Variants in MGAT4C observed in about 807,000 individuals in gnomAD.
MGAT4C encodes MGAT4 family member C, also known as alpha-1,3-mannosyl-glycoprotein 4-beta-N-acetylglucosaminyltransferase C.
In MGAT4C, 19 loss-of-function variants were observed where a neutral mutation model predicts 40.1. The ratio of observed to expected loss-of-function variants is 0.47; its 90% CI spans 0.33 to 0.70. The LOEUF (loss-of-function observed/expected upper bound fraction) is 0.70. MGAT4C is among the 30% of genes least tolerant of loss of function. The pLI, the probability that MGAT4C is intolerant of heterozygous loss-of-function variation, is 0.02. For synonymous variants in MGAT4C, 181 were observed against 187.1 expected, an observed-to-expected ratio of 0.97 and a Z score of 0.27; for missense variants, 491 against 563.2, an observed-to-expected ratio of 0.87 and a Z score of 1.30.
chr12:86,105,316 A>G (rs2135614039), intron 1 of MGAT4C, among the ~76,000 whole-genome samples: 1 of 152,292 alleles, frequency 6.6e-6, no homozygotes, highest in African/African-American at 2.4e-5. Flanking sequence ...TCTTAAAAAC[A>G]AAACATCATG....
intron 2 of MGAT4C, among the ~76,000 whole-genome samples, chr12:86,691,947 A>T (rs1033561034): frequency 6.6e-6 from 1 of 152,242 alleles, no homozygotes; most frequent in South Asian, 2.1e-4. Flanking sequence ...ATTATGTGAC[A>T]ATTAAGAACT....
At chr12:86,312,780 C>A (rs1469975769) in intron 4 of MGAT4C, among the ~76,000 whole-genome samples, 1 of 152,020 alleles carries the variant, frequency 6.6e-6, no homozygotes, top group Non-Finnish European at 1.5e-5. Context: ...GATTAGAAGT[C>A]ATCATATAGC....
intron 3 of MGAT4C, among the ~76,000 whole-genome samples, chr12:86,415,154 T>C (rs1050720294): frequency 6.6e-6 from 1 of 151,996 alleles, no homozygotes; most frequent in African/African-American, 2.4e-5. Flanking sequence ...TCTCCTGGAC[T>C]TGTTTATTCT....
chr12:85,960,144 C>G lies in MGAT4C; in HGVS notation c.*19145G>C, dbSNP rs1883033510. 6.6e-6 allele frequency: 1 copy of G among 151,960 alleles called. No individual in the cohort carries two copies. Among genetic ancestry groups the G allele is most frequent in the African/African-American group, 2.4e-5 (1 of 41,426 alleles). The allele number at this position is 151,960 out of a possible 1,614,324, so 9.4% of individuals were successfully genotyped here. On this transcript the variant is annotated 3_prime_UTR_variant, in exon 5 of 5. Coordinates refer to ENST00000611864, the MANE Select transcript of MGAT4C (RefSeq NM_001351288.2). ...TCGGTCTATGGTGCCCACATTGTGT[C>G]ACCAGCCAGCCGTATGCAGACTTAC...
intron 1 of MGAT4C, among the ~76,000 whole-genome samples, chr12:86,223,333 C>T (rs1250532460): frequency 6.6e-6 from 1 of 152,220 alleles, no homozygotes; most frequent in African/African-American, 2.4e-5. Context: ...AGCCCAGTTT[C>T]CAAAAGTCTA....
chr12:86,707,118 T>C (rs756609844), intron 2 of MGAT4C, among the ~76,000 whole-genome samples: 10 of 152,202 alleles, frequency 6.6e-5, no homozygotes, highest in Non-Finnish European at 1.3e-4. Flanking sequence ...CTTGGGTATG[T>C]CTTTATCAGC....
At chr12:86,005,864 C>T (rs568389256) in intron 2 of MGAT4C, among the ~76,000 whole-genome samples, 3 of 152,162 alleles carry the variant, frequency 2.0e-5, no homozygotes, top group South Asian at 2.1e-4. Context: ...AGAGAATAAC[C>T]TCATTTTGGT....
At chr12:86,692,355 G>C (rs943571902) in intron 2 of MGAT4C, among the ~76,000 whole-genome samples, 3 of 152,018 alleles carry the variant, frequency 2.0e-5, no homozygotes, top group African/African-American at 7.2e-5. Context: ...GAATTATATT[G>C]AAATTATCAA....
intron 1 of MGAT4C, among the ~76,000 whole-genome samples, chr12:86,180,954 T>G (rs954482517): frequency 1.3e-5 from 2 of 152,096 alleles, no homozygotes; most frequent in African/African-American, 2.4e-5. Context: ...ATGATATGGT[T>G]TGGCTGTGTC....
intron 1 of MGAT4C, among the ~76,000 whole-genome samples, chr12:86,244,762 C>T (rs940497069): frequency 2.0e-5 from 3 of 152,122 alleles, no homozygotes; most frequent in Non-Finnish European, 4.4e-5. Flanking sequence ...CCAAACACCA[C>T]CAGTAACGAT....
intron 1 of MGAT4C, among the ~76,000 whole-genome samples, chr12:86,097,459 T>G (rs1874141006): frequency 6.6e-6 from 1 of 151,682 alleles, no homozygotes; most frequent in Non-Finnish European, 1.5e-5. Context: ...ACATTTCTTC[T>G]GGACATTACT....
At chr12:86,419,485 C>T (rs1410080384) in intron 3 of MGAT4C, among the ~76,000 whole-genome samples, 1 of 151,538 alleles carries the variant, frequency 6.6e-6, no homozygotes, top group African/African-American at 2.4e-5. Flanking sequence ...ATTAACATTA[C>T]CAGTTTTGCA....
intron 3 of MGAT4C, among the ~76,000 whole-genome samples, chr12:86,390,351 TATC>T (rs1360532886): frequency 2.0e-5 from 3 of 152,218 alleles, no homozygotes; most frequent in East Asian, 1.9e-4. Flanking sequence ...TTTTATTTAT[TATC>T]ATATTAAATT....
intron 1 of MGAT4C, among the ~76,000 whole-genome samples, chr12:86,837,323 T>C (rs549686751): frequency 1.3e-5 from 2 of 152,346 alleles, no homozygotes; most frequent in South Asian, 4.1e-4. Flanking sequence ...TCCATTTTTT[T>C]GCCTTTTACA....
At chr12:86,777,617 G>A (rs1419162433) in intron 1 of MGAT4C, among the ~76,000 whole-genome samples, 2 of 152,144 alleles carry the variant, frequency 1.3e-5, no homozygotes, top group Non-Finnish European at 2.9e-5. Context: ...ATTCAAGGGT[G>A]TTAGTTTTGG....
chr12:86,608,964 GA>G (rs1448083077), intron 2 of MGAT4C, among the ~76,000 whole-genome samples: 1 of 151,954 alleles, frequency 6.6e-6, no homozygotes, highest in Non-Finnish European at 1.5e-5. Context: ...AAACTCTTTT[GA>G]AGAAAATGTA....
chr12:86,118,766 T>TAA (rs1013281368), intron 1 of MGAT4C, among the ~76,000 whole-genome samples: 1 of 152,098 alleles, frequency 6.6e-6, no homozygotes, highest in Admixed American at 6.6e-5. Context: ...TTGTAGGTAA[T>TAA]AAAAATGGAA....
At chr12:86,774,347 C>CTTTCTTTCTTTCTTTT (rs1565981724) in intron 1 of MGAT4C, among the ~76,000 whole-genome samples, 2 of 42,364 alleles carry the variant, frequency 4.7e-5, no homozygotes, top group Non-Finnish European at 1.2e-4. Flanking sequence ...TTCTGTCTCT[C>CTTTCTTTCTTTCTTTT]TCTCTCCCCT....
chr12:86,501,939 A>C (rs994616000), intron 2 of MGAT4C, among the ~76,000 whole-genome samples: 2 of 152,094 alleles, frequency 1.3e-5, no homozygotes, highest in Non-Finnish European at 2.9e-5. Context: ...GGCTGAACTA[A>C]TTTACATTCC....
Sources: gnomAD v4.1 joint callset for allele counts (sites outside exome capture counted in the v4.1 genomes callset) on GRCh38, gnomAD v4.1.1 for gene constraint, MANE v1.5 for transcripts, NCBI Gene and HGNC (gene_info 2026-07-23, HGNC 2026-07-21) for gene names.